CTNNA3: variants seen among roughly 807,000 people sequenced by gnomAD.
CTNNA3 encodes catenin alpha 3, also known as catenin alpha-3.
CTNNA3 carries 76 observed loss-of-function variants against 95.7 expected under a neutral mutation model. The ratio of observed to expected loss-of-function variants is 0.79; its 90% CI spans 0.66 to 0.96. CTNNA3 has a LOEUF of 0.96. Among genes scored for constraint, CTNNA3 ranks in the 40% least tolerant of loss-of-function variants. The pLI is 0.00. For synonymous variants in CTNNA3, 431 were observed against 374.4 expected (o/e 1.15, Z -1.74); for missense variants, 1,191 against 1,089.8 (o/e 1.09, Z -1.31).
chr10:66,599,489 T>C (rs1214381961), intron 10 of CTNNA3, among the ~76,000 whole-genome samples: 2 of 152,014 alleles, frequency 1.3e-5, no homozygotes, highest in Admixed American at 1.3e-4. Flanking sequence ...TGCTAGAGTT[T>C]GCTTTTCTAT....
chr10:66,235,046 C>T (rs1005791187), intron 13 of CTNNA3, among the ~76,000 whole-genome samples: 2 of 152,194 alleles, frequency 1.3e-5, no homozygotes, highest in East Asian at 1.9e-4. Context: ...ACGTAAGCTT[C>T]GAAGCAGACC....
intron 12 of CTNNA3, among the ~76,000 whole-genome samples, chr10:66,359,456 T>C (rs891300819): frequency 6.6e-6 from 1 of 152,170 alleles, no homozygotes; most frequent in Admixed American, 6.5e-5. Flanking sequence ...TCTAGGAATA[T>C]CAGGAATTAA....
chr10:67,071,357 C>A (rs149034322), intron 7 of CTNNA3, among the ~76,000 whole-genome samples: 1 of 135,360 alleles, frequency 7.4e-6, no homozygotes, highest in East Asian at 2.1e-4. Context: ...CAGAAAATGT[C>A]TTTGTTTCGA....
intron 7 of CTNNA3, among the ~76,000 whole-genome samples, chr10:67,061,300 A>ACATCAGGTG (rs1384596347): frequency 6.6e-6 from 1 of 152,178 alleles, no homozygotes; most frequent in Non-Finnish European, 1.5e-5. Context: ...CTAAGAAGTT[A>ACATCAGGTG]CATCAGGTGC....
intron 10 of CTNNA3, among the ~76,000 whole-genome samples, chr10:66,580,245 C>G (rs1374516768): frequency 6.6e-6 from 1 of 151,144 alleles, no homozygotes; most frequent in African/African-American, 2.4e-5. Flanking sequence ...TTTTTTTATT[C>G]TCCTTTGGTG....
At chr10:66,069,805 A>G (rs930674560) in intron 14 of CTNNA3, among the ~76,000 whole-genome samples, 3 of 152,174 alleles carry the variant, frequency 2.0e-5, no homozygotes, top group African/African-American at 7.2e-5. Flanking sequence ...ATTTTAAATT[A>G]ACATCAATTT....
chr10:66,136,497 C>CA, intron 13 of CTNNA3, among the ~76,000 whole-genome samples: 1 of 148,736 alleles, frequency 6.7e-6, no homozygotes, highest in East Asian at 2.0e-4. Flanking sequence ...AATTTCTTCA[C>CA]TTTTTTTTTT....
chr10:65,959,929 C>G (rs1396698703), intron 17 of CTNNA3, among the ~76,000 whole-genome samples: 1 of 152,168 alleles, frequency 6.6e-6, no homozygotes, highest in African/African-American at 2.4e-5. Context: ...TGGAGCTTGG[C>G]TCTGGTAAAA....
chr10:67,652,124 A>G (rs1302754523), intron 1 of CTNNA3, among the ~76,000 whole-genome samples: 2 of 152,208 alleles, frequency 1.3e-5, no homozygotes, highest in Admixed American at 6.5e-5. Context: ...TTCTCTCTGT[A>G]TCTTCGCATG....
chr10:66,867,799 C>T (rs1844238806), intron 7 of CTNNA3, among the ~76,000 whole-genome samples: 1 of 150,950 alleles, frequency 6.6e-6, no homozygotes, highest in Admixed American at 6.6e-5. Flanking sequence ...TACAGATACA[C>T]ATTTACATTT....
chr10:66,825,285 T>TA (rs1842465467), intron 7 of CTNNA3, among the ~76,000 whole-genome samples: 4 of 147,042 alleles, frequency 2.7e-5, no homozygotes, highest in South Asian at 2.1e-4. Flanking sequence ...ATATATATAT[T>TA]TTTTTTTTGA....
chr10:66,979,119 C>A (rs1850261123), intron 7 of CTNNA3, among the ~76,000 whole-genome samples: 1 of 151,828 alleles, frequency 6.6e-6, no homozygotes. Context: ...CACCCACCAC[C>A]ACACCTGGCT....
intron 3 of CTNNA3, among the ~76,000 whole-genome samples, chr10:67,545,032 G>A (rs1043077069): frequency 2.2e-4 from 33 of 151,296 alleles, no homozygotes; most frequent in Middle Eastern, 3.2e-3. Context: ...ACTTTGATTG[G>A]GCTGATTCTA....
intron 11 of CTNNA3, among the ~76,000 whole-genome samples, chr10:66,457,802 T>G (rs1233103828): frequency 6.6e-6 from 1 of 152,158 alleles, no homozygotes; most frequent in Non-Finnish European, 1.5e-5. Flanking sequence ...AACCTGCTGC[T>G]GCAGATCCAA....
At chr10:67,205,014 T>C (rs771455259) in intron 6 of CTNNA3, among the ~76,000 whole-genome samples, 38 of 152,178 alleles carry the variant, frequency 2.5e-4, no homozygotes, top group Non-Finnish European at 5.1e-4. Context: ...ACCTCCAGAA[T>C]AATGGCTGGT....
intron 5 of CTNNA3, among the ~76,000 whole-genome samples, chr10:67,503,375 A>T (rs1373197389): frequency 6.6e-6 from 1 of 152,178 alleles, no homozygotes; most frequent in Non-Finnish European, 1.5e-5. Flanking sequence ...TTCTGCATTG[A>T]TCTTGCTGGG....
chr10:67,422,636 T>C (rs1845786265), intron 5 of CTNNA3, among the ~76,000 whole-genome samples: 1 of 151,904 alleles, frequency 6.6e-6, no homozygotes, highest in African/African-American at 2.4e-5. Context: ...AGTGAGTGAG[T>C]TCTCACTAGA....
chr10:67,149,308 G>A (rs1008344883), intron 7 of CTNNA3, among the ~76,000 whole-genome samples: 1 of 152,098 alleles, frequency 6.6e-6, no homozygotes, highest in Non-Finnish European at 1.5e-5. Context: ...AAAAGAGGCC[G>A]GGTGCAGTGG....
At chr10:66,068,934 A>G (rs1036633508) in intron 15 of CTNNA3, among the ~76,000 whole-genome samples, 3 of 152,190 alleles carry the variant, frequency 2.0e-5, no homozygotes, top group Admixed American at 1.3e-4. Context: ...ATAAATCACT[A>G]TAACTAAAAT....
Sources: allele counts gnomAD v4.1 joint callset (sites outside exome capture counted in the v4.1 genomes callset), GRCh38; gene constraint gnomAD v4.1.1; transcripts MANE v1.5; gene names NCBI Gene and HGNC (gene_info 2026-07-23, HGNC 2026-07-21).